The following ENAH variants were observed in gnomAD, a reference collection of about 807,000 sequenced individuals.
ENAH encodes protein enabled homolog.
In ENAH, 23 loss-of-function variants were observed where a neutral mutation model predicts 78.7. That is an observed-to-expected ratio of 0.29 (90% CI 0.21 to 0.41). The LOEUF (loss-of-function observed/expected upper bound fraction) is 0.41, where lower values mean the gene tolerates loss of function less well. ENAH is among the 10% of genes least tolerant of loss of function. ENAH has a pLI of 1.00. For missense variants in ENAH, 544 were observed against 691.0 expected, an observed-to-expected ratio of 0.79 and a Z score of 2.39; for synonymous variants, 226 against 241.0, an observed-to-expected ratio of 0.94 and a Z score of 0.58.
At chr1:225,630,756 G>T in intron 1 of ENAH, among the ~76,000 whole-genome samples, 1 of 151,974 alleles carries the variant, frequency 6.6e-6, no homozygotes. Context: ...GGGTTTTTTG[G>T]GTTCATGTTT....
chr1:225,512,646 T>C lies in ENAH; in HGVS notation c.1422+11A>G, dbSNP rs2096386516. 2.2e-5 allele frequency: 36 copies of C among 1,610,880 alleles called. No individual in the cohort carries two copies. The highest frequency in any genetic ancestry group is 3.1e-5 in the Non-Finnish European group (36 of 1,178,190). On this transcript the variant is annotated intron_variant, in intron 9 of 13. Transcript: ENST00000366843. ...ATTTTAAGGTATGGTAGACTATCTTTATTAACTTACACCTTTGTCCTCTTT... is the reference window on the plus strand; with the variant it reads ...ATTTTAAGGTATGGTAGACTATCTTCATTAACTTACACCTTTGTCCTCTTT...
intron 2 of ENAH, among the ~76,000 whole-genome samples, chr1:225,558,625 G>GC (rs1403645547): frequency 1.1e-5 from 1 of 93,140 alleles, no homozygotes; most frequent in Non-Finnish European, 2.1e-5. Flanking sequence ...ATTAATTTCT[G>GC]CCTTTTTTTT....
chr1:225,546,869 C>T (rs183273589), intron 3 of ENAH, among the ~76,000 whole-genome samples: 2 of 152,280 alleles, frequency 1.3e-5, no homozygotes, highest in East Asian at 1.9e-4. Flanking sequence ...ATTGTGTCTA[C>T]GTACCTTTCT....
rs955212103 is a variant in ENAH at position 225,488,310 on chromosome 1, ACC to A, written c.*9463_*9464del. The A allele has an allele frequency of 2.6e-5, 4 of 152,034 alleles. No individual in the cohort carries two copies. Among genetic ancestry groups the A allele is most frequent in the Non-Finnish European group, 4.4e-5 (3 of 68,024 alleles). The allele number at this position is 152,034 out of a possible 1,614,324, so 9.4% of individuals were successfully genotyped here. A position where few individuals can be genotyped will look rare whatever the true frequency, so the allele number is the denominator to read the frequency against. ...TGTGCCTAGGAGCACGCACCACCAC[ACC>A]TGGCTTAAGTAGAAGGTTCTGAAAT... On this transcript the variant is annotated 3_prime_UTR_variant, in exon 14 of 14. Coordinates refer to ENST00000366843, the MANE Select transcript of ENAH (RefSeq NM_018212.6).
intron 3 of ENAH, among the ~76,000 whole-genome samples, chr1:225,554,577 C>A (rs898262095): frequency 1.3e-5 from 2 of 152,308 alleles, no homozygotes; most frequent in Middle Eastern, 3.4e-3. Context: ...ACTGCATATT[C>A]TCTGGGCTTC....
chr1:225,513,417 AG>A (rs1417752851), intron 7 of ENAH, among the ~76,000 whole-genome samples: 2 of 152,128 alleles, frequency 1.3e-5, no homozygotes, highest in Non-Finnish European at 2.9e-5. Flanking sequence ...TGAAAGATTG[AG>A]GAACTGTCAT....
chr1:225,557,164 G>A (rs552009500), intron 2 of ENAH, among the ~76,000 whole-genome samples: 137 of 152,268 alleles, frequency 9.0e-4, no homozygotes, highest in African/African-American at 3.1e-3. Flanking sequence ...TTCTACCAAA[G>A]AAATTTTGGG....
intron 3 of ENAH, among the ~76,000 whole-genome samples, chr1:225,543,152 T>C (rs1320877770): frequency 6.6e-6 from 1 of 152,152 alleles, no homozygotes; most frequent in East Asian, 1.9e-4. Flanking sequence ...CTAATTCCAT[T>C]AGTTATCTGC....
In ENAH at chr1:225,489,322, T is replaced by C. The variant is rs1294342947; in HGVS notation, c.*8453A>G. 6.6e-6 allele frequency: 1 copy of C among 151,912 alleles called. No individual in the cohort carries two copies. Among genetic ancestry groups the C allele is most frequent in the Non-Finnish European group, 1.5e-5 (1 of 67,940 alleles). The allele number at this position is 151,912 out of a possible 1,614,324, so 9.4% of individuals were successfully genotyped here. A position where few individuals can be genotyped will look rare whatever the true frequency, so the allele number is the denominator to read the frequency against. On this transcript the variant is annotated 3_prime_UTR_variant, in exon 14 of 14. Transcript: ENST00000366843. ...GAATGTACTGAAGCCACCACAGAGA[T>C]GCTGGTAATTCAAACTGTGAAAGCA...
intron 1 of ENAH, among the ~76,000 whole-genome samples, chr1:225,649,701 G>A (rs1348285838): frequency 2.0e-5 from 3 of 152,008 alleles, no homozygotes. Flanking sequence ...TCTATATACT[G>A]CATTTTACTC....
intron 1 of ENAH, among the ~76,000 whole-genome samples, chr1:225,631,004 C>T (rs1279976784): frequency 1.3e-5 from 2 of 152,092 alleles, no homozygotes; most frequent in African/African-American, 2.4e-5. Context: ...AAGACTTCAC[C>T]GACCTTAAAT....
intron 1 of ENAH, among the ~76,000 whole-genome samples, chr1:225,607,515 C>CAA (rs534943449): frequency 3.0e-4 from 28 of 92,472 alleles, no homozygotes; most frequent in East Asian, 6.7e-4. Flanking sequence ...GGGTGGGGGG[C>CAA]AAAAAAAAAA....
chr1:225,577,944 AC>A lies in ENAH; in HGVS notation c.6-10531del, dbSNP rs1275550531. The stretch of plus-strand genomic sequence containing the variant: ...ATCTTTTCTCAATAATTCTTATGGT[AC>A]TATTTGACTTCAATCATGAATTCCT... On this transcript the variant is annotated intron_variant, in intron 1 of 13. Transcript: ENST00000366843. Among the ~76,000 whole-genome samples, 6 of 152,162 alleles carry A rather than the reference AC, an allele frequency of 3.9e-5. 1 individual carries two copies. Among genetic ancestry groups the A allele is most frequent in the Admixed American group, 2.6e-4 (4 of 15,256 alleles).
At chr1:225,517,577 T>C (rs778281148) in intron 5 of ENAH, 50 of 1,550,878 alleles carry the variant, frequency 3.2e-5, no homozygotes, top group Non-Finnish European at 4.0e-5. Context: ...CTTGGACCAG[T>C]AGCTTTGCCT....
intron 1 of ENAH, among the ~76,000 whole-genome samples, chr1:225,614,651 T>C (rs1392817601): frequency 1.3e-5 from 2 of 152,216 alleles, no homozygotes; most frequent in African/African-American, 2.4e-5. Flanking sequence ...GGTTGGTTGC[T>C]TCTCCTAGCA....
chr1:225,624,452 C>A (rs150391643), intron 1 of ENAH, among the ~76,000 whole-genome samples: 12 of 151,994 alleles, frequency 7.9e-5, no homozygotes, highest in African/African-American at 2.7e-4. Context: ...GGTGAAACCG[C>A]GTCTATACTA....
intron 1 of ENAH, among the ~76,000 whole-genome samples, chr1:225,579,428 C>T (rs556636741): frequency 2.0e-5 from 3 of 152,206 alleles, no homozygotes; most frequent in African/African-American, 7.2e-5. Flanking sequence ...AAAAACATGT[C>T]TAGAATATCA....
rs2096279709 is a variant in ENAH at position 225,501,062 on chromosome 1, G to C, written c.1547C>G (p.Ser516Cys). The C allele has an allele frequency of 6.2e-7, 1 of 1,613,826 alleles. No individual in the cohort carries two copies. The highest frequency in any genetic ancestry group is 8.5e-7 in the Non-Finnish European group (1 of 1,179,896). Reference protein sequence around the residue: ...SKSPVISRPKSTPLSQPSANG... With the variant: ...SKSPVISRPKCTPLSQPSANG... ...GGCACTGGGCTGTGATAAGGGTGTGGATTTTGGTCTGTATAAATGAGATTT... is the reference window on the plus strand; with the variant it reads ...GGCACTGGGCTGTGATAAGGGTGTGCATTTTGGTCTGTATAAATGAGATTT... The change falls in exon 12 of 14, where the codon TCC becomes TGC. Residue 516 changes from serine (S) to cysteine (C), a missense_variant. Ser to Cys is a moderately radical substitution (Grantham distance 112, BLOSUM62 -1). Around this residue, in one of 4 missense-constraint regions of ENAH, gnomAD observed 97 missense variants for 124.4 expected, o/e 0.78. Transcript: ENST00000366843.
chr1:225,589,417 A>T (rs1474236112), intron 1 of ENAH, among the ~76,000 whole-genome samples: 1 of 152,186 alleles, frequency 6.6e-6, no homozygotes, highest in African/African-American at 2.4e-5. Context: ...AATGCATCTA[A>T]ATAAATAAAT....
Sources: gnomAD v4.1 joint callset for allele counts (sites outside exome capture counted in the v4.1 genomes callset) on GRCh38, gnomAD v4.1.1 for gene constraint, gnomAD v4.1.1 regional missense constraint, MANE v1.5 for transcripts, NCBI Gene and HGNC (gene_info 2026-07-23, HGNC 2026-07-21) for gene names.